The following BAZ2B variants were observed in gnomAD, a reference collection of about 807,000 sequenced individuals.
BAZ2B encodes the protein bromodomain adjacent to zinc finger domain protein 2B.
Under a neutral mutation model 246.0 loss-of-function variants are expected in BAZ2B, and 91 were observed. The ratio of observed to expected loss-of-function variants is 0.37; its 90% CI spans 0.31 to 0.44. BAZ2B has a LOEUF of 0.44. Ranked by LOEUF, BAZ2B falls within the 20% of genes least tolerant of loss-of-function variation. BAZ2B has a pLI of 1.00. For synonymous variants in BAZ2B, 855 were observed against 860.0 expected, an observed-to-expected ratio of 0.99 and a Z score of 0.10; for missense variants, 2,332 against 2,533.7, an observed-to-expected ratio of 0.92 and a Z score of 1.71.
chr2:159,435,293 C>T (rs1019014033), intron 8 of BAZ2B: 9 of 151,390 alleles, frequency 5.9e-5, no homozygotes, highest in Non-Finnish European at 4.4e-5. Context: ...TTCAAGCCTG[C>T]CTCAGATTCC....
At chr2:159,381,528 T>C (rs2061992975) in intron 25 of BAZ2B, among the ~76,000 whole-genome samples, 1 of 152,142 alleles carries the variant, frequency 6.6e-6, no homozygotes, top group South Asian at 2.1e-4. Flanking sequence ...CTCCTAAATA[T>C]TTATTAAATC....
In BAZ2B at chr2:159,373,074, A is replaced by T; in HGVS notation, c.4184T>A (p.Ile1395Asn). ...ACCACTCTCCATGCCTTCTACAAAA[A>T]TCCCCCCACATTGGGGAAGAATCCA... Reference protein sequence around the residue: ...RYWILPQCGGIFVEGMESGEG... With the variant: ...RYWILPQCGGNFVEGMESGEG... Residue 1395 changes from isoleucine (I) to asparagine (N), a missense_variant, in exon 27 of 37, where the codon ATT (isoleucine) becomes AAT (asparagine). Transcript: ENST00000392783. The T allele has an allele frequency of 3.7e-6, 6 of 1,613,904 alleles. No homozygotes were observed. The highest frequency in any genetic ancestry group is 5.1e-6 in the Non-Finnish European group (6 of 1,179,882).
chr2:159,536,842 GTTTA>G (rs561893037), intron 2 of BAZ2B, among the ~76,000 whole-genome samples: 44 of 152,086 alleles, frequency 2.9e-4, no homozygotes, highest in Non-Finnish European at 5.1e-4. Flanking sequence ...AAACAAACCA[GTTTA>G]TTTGTTGACA....
chr2:159,571,779 A>G (rs1684068215), intron 1 of BAZ2B, among the ~76,000 whole-genome samples: 1 of 152,176 alleles, frequency 6.6e-6, no homozygotes, highest in South Asian at 2.1e-4. Flanking sequence ...CTCCATCATA[A>G]CAGGATGGAA....
chr2:159,602,724 C>A (rs750780396), intron 1 of BAZ2B, among the ~76,000 whole-genome samples: 2 of 152,046 alleles, frequency 1.3e-5, no homozygotes, highest in Non-Finnish European at 2.9e-5. Flanking sequence ...TCCAGAATAC[C>A]ATAAAATATT....
chr2:159,346,321 A>T (rs2067785389), intron 31 of BAZ2B, among the ~76,000 whole-genome samples: 1 of 152,260 alleles, frequency 6.6e-6, no homozygotes, highest in Admixed American at 6.5e-5. Context: ...TAAATAGGAT[A>T]GCATTATGCC....
At position 159,340,284 on chromosome 2, in the gene BAZ2B, T is replaced by C. The variant is rs866495537; in HGVS notation, c.5455-2512A>G. Among the ~76,000 whole-genome samples the C allele has an allele frequency of 2.0e-5, 3 of 151,996 alleles. No individual in the cohort carries two copies. In the South Asian group the frequency reaches 6.2e-4, roughly 32 times the overall value. On this transcript the variant is annotated intron_variant, in intron 31 of 36. Transcript: ENST00000392783. ...AAAGAAGGAAAAAGCCTATAGGATT[T>C]ATGGGACACCATTAAGCAAACAAAT... is the stretch of plus-strand genomic sequence containing the variant.
intron 1 of BAZ2B, among the ~76,000 whole-genome samples, chr2:159,611,784 TAATA>T (rs1203936588): frequency 1.3e-5 from 2 of 151,974 alleles, no homozygotes; most frequent in African/African-American, 4.8e-5. Context: ...CTTAACATAG[TAATA>T]AATAAACTAT....
intron 3 of BAZ2B, among the ~76,000 whole-genome samples, chr2:159,465,828 C>T (rs2076966805): frequency 1.3e-5 from 2 of 151,890 alleles, no homozygotes; most frequent in Admixed American, 6.6e-5. Flanking sequence ...GTGTGAGAAT[C>T]ACTTGAACCC....
chr2:159,474,959 C>T (rs965999119), intron 3 of BAZ2B, among the ~76,000 whole-genome samples: 3 of 152,124 alleles, frequency 2.0e-5, no homozygotes, highest in African/African-American at 7.2e-5. Context: ...TTGTGGGTAA[C>T]CCGACCTTTC....
chr2:159,407,116 T>C (rs1239820384), intron 14 of BAZ2B, among the ~76,000 whole-genome samples: 1 of 151,942 alleles, frequency 6.6e-6, no homozygotes, highest in Admixed American at 6.6e-5. Flanking sequence ...ATCAACATGA[T>C]TGCCCCGCTT....
the BAZ2B span, among the ~76,000 whole-genome samples, chr2:159,698,526 A>C: frequency 3.4e-5 from 5 of 145,462 alleles, no homozygotes; most frequent in Non-Finnish European, 6.0e-5. Context: ...AAAAAAAAAA[A>C]AACAAAAAAA....
chr2:159,685,152 G>A, the BAZ2B span, among the ~76,000 whole-genome samples: 1 of 152,058 alleles, frequency 6.6e-6, no homozygotes, highest in Admixed American at 6.5e-5. Context: ...CTTTTCATAA[G>A]AAGAACAAAA....
At chr2:159,462,458 C>T (rs920771950) in intron 3 of BAZ2B, 13 of 1,185,312 alleles carry the variant, frequency 1.1e-5, no homozygotes, top group African/African-American at 1.5e-5. Flanking sequence ...AATTTTGGTG[C>T]GGGTAACCGG....
the BAZ2B span, among the ~76,000 whole-genome samples, chr2:159,658,507 TTTTTA>T: frequency 6.6e-6 from 1 of 151,962 alleles, no homozygotes; most frequent in African/African-American, 2.4e-5. Context: ...CTAAATTTTA[TTTTTA>T]TTTTATTTAT....
the BAZ2B span, among the ~76,000 whole-genome samples, chr2:159,647,475 C>G: frequency 6.6e-6 from 1 of 152,088 alleles, no homozygotes; most frequent in Non-Finnish European, 1.5e-5. Flanking sequence ...ATCTCCTTTA[C>G]TCAGTCTACT....
chr2:159,323,130 A>G (rs1253144345), intron 36 of BAZ2B, among the ~76,000 whole-genome samples: 1 of 151,724 alleles, frequency 6.6e-6, no homozygotes, highest in Non-Finnish European at 1.5e-5. Flanking sequence ...GACTACAGGC[A>G]TACACCACCA....
chr2:159,676,939 TA>T, the BAZ2B span, among the ~76,000 whole-genome samples: 1 of 10,046 alleles, frequency 1.0e-4, no homozygotes, highest in African/African-American at 7.7e-4. Flanking sequence ...TAAAAGTGGT[TA>T]AAATAGTTTT....
chr2:159,325,535 C>G (rs2063594286), intron 35 of BAZ2B, 118 bp downstream of exon 35: 12 of 1,118,890 alleles, frequency 1.1e-5, no homozygotes, highest in Non-Finnish European at 1.5e-5. Context: ...AACATTTATG[C>G]TTTACATTTT....
Sources: allele counts gnomAD v4.1 joint callset (sites outside exome capture counted in the v4.1 genomes callset), GRCh38; gene constraint gnomAD v4.1.1; transcripts MANE v1.5; gene names NCBI Gene and HGNC (gene_info 2026-07-23, HGNC 2026-07-21).